The following RBM6 variants were observed in gnomAD, a reference collection of about 807,000 sequenced individuals.
RBM6 encodes the protein RNA-binding protein 6.
Under a neutral mutation model 140.4 loss-of-function variants are expected in RBM6, and 23 were observed. That is an observed-to-expected ratio of 0.16 (90% confidence interval 0.12 to 0.23). The LOEUF is 0.23. Ranked by LOEUF, RBM6 falls within the 10% of genes least tolerant of loss-of-function variation. RBM6 has a pLI of 1.00. For missense variants in RBM6, 1,139 were observed against 1,386.7 expected (o/e 0.82, Z 2.84); for synonymous variants, 439 against 475.6 (o/e 0.92, Z 1.00).
intron 1 of RBM6, among the ~76,000 whole-genome samples, chr3:49,954,994 C>T (rs973725988): frequency 4.6e-5 from 7 of 151,906 alleles, no homozygotes; most frequent in Admixed American, 1.3e-4. Flanking sequence ...CTCCTGACCT[C>T]GTGATCCGCC....
chr3:49,990,903 G>C (rs1158168319), intron 5 of RBM6, among the ~76,000 whole-genome samples: 1 of 152,114 alleles, frequency 6.6e-6, no homozygotes, highest in African/African-American at 2.4e-5. Context: ...TTCCCCTCTT[G>C]ATACCAGGTA....
At position 50,006,179 on chromosome 3, in the gene RBM6, G is replaced by T. The variant is rs1376109418; in HGVS notation, c.1557+6666G>T. 3.4e-5 allele frequency among the ~76,000 whole-genome samples: 5 copies of T among 145,364 alleles called. No individual in the cohort carries two copies. In the Admixed American group the frequency reaches 3.5e-4, roughly 10 times the overall value. ...TTTTTTTTTCAGATGGAGTCTCGCTGTGTCGCCCAGGCTGTAGCACAGAGG... is the reference window on the plus strand; with the variant it reads ...TTTTTTTTTCAGATGGAGTCTCGCTTTGTCGCCCAGGCTGTAGCACAGAGG... On this transcript the variant is annotated intron_variant, in intron 6 of 20. Transcript: ENST00000266022.
intron 1 of RBM6, among the ~76,000 whole-genome samples, chr3:49,948,743 A>G (rs553841963): frequency 4.9e-4 from 73 of 149,654 alleles, no homozygotes; most frequent in African/African-American, 1.7e-3. Flanking sequence ...AATTGCTTGA[A>G]CCCAGGAGGT....
At chr3:49,941,768 A>G (rs556434137) in intron 1 of RBM6, among the ~76,000 whole-genome samples, 30 of 150,316 alleles carry the variant, frequency 2.0e-4, no homozygotes, top group African/African-American at 7.1e-4. Context: ...GAGTTTCGCT[A>G]TGTTGGCCAG....
chr3:49,987,040 T>C (rs2085595599), intron 5 of RBM6, among the ~76,000 whole-genome samples: 2 of 151,982 alleles, frequency 1.3e-5, no homozygotes, highest in African/African-American at 4.8e-5. Context: ...TGCCTCAGCC[T>C]CCCAAAATGC....
At chr3:49,962,150 T>TA (rs66697775) in intron 1 of RBM6, among the ~76,000 whole-genome samples, 4,699 of 112,428 alleles carry the variant, frequency 0.042, 200 homozygotes, top group African/African-American at 0.12. Context: ...CTCCATCTCT[T>TA]AAAAAAAAAA....
chr3:50,071,217 T>C (rs927836324), intron 19 of RBM6, among the ~76,000 whole-genome samples: 7 of 152,040 alleles, frequency 4.6e-5, no homozygotes, highest in Non-Finnish European at 7.4e-5. Context: ...GTTTGAGGAG[T>C]TGCAAATAGT....
intron 1 of RBM6, among the ~76,000 whole-genome samples, chr3:49,961,777 C>T (rs112093796): frequency 0.071 from 10,472 of 147,972 alleles, 378 homozygotes; most frequent in Non-Finnish European, 0.077. Context: ...CCAGCCTGGG[C>T]GACAGAGAGA....
intron 6 of RBM6, among the ~76,000 whole-genome samples, chr3:50,044,186 A>C (rs1165088404): frequency 1.3e-5 from 2 of 151,958 alleles, no homozygotes; most frequent in Non-Finnish European, 2.9e-5. Flanking sequence ...CCTATATGGT[A>C]CCTCTTTAGG....
At chr3:49,993,903 T>C (rs2085947160) in intron 5 of RBM6, among the ~76,000 whole-genome samples, 1 of 151,880 alleles carries the variant, frequency 6.6e-6, no homozygotes, top group African/African-American at 2.4e-5. Flanking sequence ...GATAGTGCCA[T>C]TGCACTCTAG....
At chr3:49,997,876 G>A (rs554171651) in intron 5 of RBM6, among the ~76,000 whole-genome samples, 1 of 152,302 alleles carries the variant, frequency 6.6e-6, no homozygotes, top group South Asian at 2.1e-4. Flanking sequence ...TATGCATGCT[G>A]TTTCTCTAAA....
intron 1 of RBM6, among the ~76,000 whole-genome samples, chr3:49,945,881 C>CAAAAAA (rs67271820): frequency 3.9e-4 from 24 of 61,890 alleles, no homozygotes; most frequent in South Asian, 9.5e-4. Context: ...GACTCCATCT[C>CAAAAAA]AAAAAAAAAA....
intron 6 of RBM6, among the ~76,000 whole-genome samples, chr3:50,043,555 T>C (rs915046406): frequency 7.9e-5 from 12 of 151,370 alleles, no homozygotes; most frequent in African/African-American, 2.9e-4. Flanking sequence ...CATACATACA[T>C]ATATGTATGT....
At chr3:50,020,007 T>A (rs1191936238) in intron 6 of RBM6, among the ~76,000 whole-genome samples, 1 of 151,864 alleles carries the variant, frequency 6.6e-6, no homozygotes, top group African/African-American at 2.4e-5. Context: ...TAACCTCAAG[T>A]TCCTCAGCTC....
intron 6 of RBM6, among the ~76,000 whole-genome samples, chr3:50,001,564 A>C (rs1020232837): frequency 6.6e-6 from 1 of 152,210 alleles, no homozygotes; most frequent in African/African-American, 2.4e-5. Context: ...GTTGTATGCA[A>C]ATACCATGTG....
At chr3:49,976,008 A>G (rs1373700511) in intron 5 of RBM6, among the ~76,000 whole-genome samples, 1 of 152,200 alleles carries the variant, frequency 6.6e-6, no homozygotes, top group Non-Finnish European at 1.5e-5. Flanking sequence ...ATCTTACTAC[A>G]GTAAAAGTAG....
At chr3:50,011,233 G>T (rs182517663) in intron 6 of RBM6, among the ~76,000 whole-genome samples, 101 of 151,448 alleles carry the variant, frequency 6.7e-4, no homozygotes, top group Middle Eastern at 6.8e-3. Context: ...AAAAAAAAAA[G>T]GCATGAAGAA....
intron 6 of RBM6, among the ~76,000 whole-genome samples, chr3:50,001,715 A>G (rs2086337048): frequency 6.6e-6 from 1 of 152,114 alleles, no homozygotes; most frequent in African/African-American, 2.4e-5. Context: ...AGAAGAAAAA[A>G]GCTTCCAATC....
At chr3:50,004,786 T>C (rs2086502070) in intron 6 of RBM6, among the ~76,000 whole-genome samples, 1 of 152,004 alleles carries the variant, frequency 6.6e-6, no homozygotes, top group African/African-American at 2.4e-5. Flanking sequence ...GTTCGGCTAA[T>C]TAAAAAAATA....
Sources: gnomAD v4.1 joint callset for allele counts (sites outside exome capture counted in the v4.1 genomes callset) on GRCh38, gnomAD v4.1.1 for gene constraint, MANE v1.5 for transcripts, NCBI Gene and HGNC (gene_info 2026-07-23, HGNC 2026-07-21) for gene names.